RRP12: variants seen among roughly 807,000 people sequenced by gnomAD.
RRP12 encodes the protein RRP12-like protein.
In RRP12, 78 loss-of-function variants were observed where a neutral mutation model predicts 157.3. The observed-to-expected ratio is 0.50, with a 90% CI of 0.41 to 0.60. The LOEUF is 0.60. RRP12 is among the 20% of genes least tolerant of loss of function. The pLI is 0.00. For missense variants in RRP12, 1,521 were observed against 1,679.9 expected, an observed-to-expected ratio of 0.91 and a Z score of 1.65; for synonymous variants, 726 against 670.9, an observed-to-expected ratio of 1.08 and a Z score of -1.27.
intron 25 of RRP12, 50 bp downstream of exon 25, chr10:97,369,368 CATGCCAA>C (rs1844074130): frequency 1.3e-6 from 2 of 1,564,848 alleles, no homozygotes; most frequent in Non-Finnish European, 1.7e-6. Flanking sequence ...TTGCCAGGTC[CATGCCAA>C]CAGCTCAGAG....
At chr10:97,377,844 CAA>C (rs57212325) in intron 15 of RRP12, among the ~76,000 whole-genome samples, 3 of 48,794 alleles carry the variant, frequency 6.1e-5, no homozygotes, top group Non-Finnish European at 1.3e-4. Context: ...GACTTCATCT[CAA>C]AAAAAAAAAA....
In RRP12 at chr10:97,357,035, AGCC is replaced by A. The variant is rs1479407233; in HGVS notation, c.*56_*58del. 4.5e-5 allele frequency: 44 copies of A among 987,684 alleles called. 1 individual carries two copies. The highest frequency in any genetic ancestry group is 1.9e-5 in the Non-Finnish European group (12 of 635,218). The allele number at this position is 987,684 out of a possible 1,614,324, so 61.2% of individuals were successfully genotyped here. ...GAGCACCTGGAGCTGGTGGCAAGGC[AGCC>A]TGGGGGCTGAAAGGGCCTCAGACTG... is the stretch of plus-strand genomic sequence containing the variant. On this transcript the variant is annotated 3_prime_UTR_variant, in exon 34 of 34. Coordinates refer to ENST00000370992, the MANE Select transcript of RRP12 (RefSeq NM_015179.4).
intron 29 of RRP12, among the ~76,000 whole-genome samples, chr10:97,365,722 T>C (rs1046968412): frequency 2.6e-5 from 4 of 151,194 alleles, no homozygotes; most frequent in African/African-American, 9.8e-5. Flanking sequence ...CCTCTGGCTC[T>C]TTCTGCCTCT....
chr10:97,397,139 A>G (rs1844986791), intron 2 of RRP12, among the ~76,000 whole-genome samples: 2 of 152,006 alleles, frequency 1.3e-5, no homozygotes, highest in South Asian at 4.1e-4. Flanking sequence ...AATAGTTGTT[A>G]TACTGTATTT....
intron 24 of RRP12, 68 bp from the exon 25 acceptor site, chr10:97,369,650 G>A (rs1844087543): frequency 6.8e-7 from 1 of 1,467,998 alleles, no homozygotes; most frequent in African/African-American, 1.4e-5. Flanking sequence ...CTTCCCCACT[G>A]GAAAACAGCC....
chr10:97,365,992 G>T, intron 29 of RRP12, 116 bp downstream of exon 29: 1 of 1,393,470 alleles, frequency 7.2e-7, no homozygotes, highest in Admixed American at 2.2e-5. Flanking sequence ...AAAAGTTTGA[G>T]GAAGCTGCCG....
At chr10:97,379,522 C>A in intron 14 of RRP12, 106 bp downstream of exon 14, 1 of 1,590,062 alleles carries the variant, frequency 6.3e-7, no homozygotes, top group Non-Finnish European at 8.6e-7. Context: ...GCCCCTCCTG[C>A]TGAGCCCTGC....
intron 33 of RRP12, among the ~76,000 whole-genome samples, chr10:97,358,092 T>C (rs982957338): frequency 6.6e-6 from 1 of 152,078 alleles, no homozygotes; most frequent in African/African-American, 2.4e-5. Flanking sequence ...CCCAGCACTT[T>C]GGGAGGCTGA....
chr10:97,390,851 G>A lies in RRP12; in HGVS notation c.531-7C>T, dbSNP rs781044750. The A allele has an allele frequency of 6.4e-7, 1 of 1,574,490 alleles. No homozygotes were observed. Among genetic ancestry groups the A allele is most frequent in the Non-Finnish European group, 8.7e-7 (1 of 1,143,928 alleles). On this transcript the variant is annotated splice_region_variant and splice_polypyrimidine_tract_variant and intron_variant, in intron 4 of 33. Coordinates refer to ENST00000370992, the MANE Select transcript of RRP12 (RefSeq NM_015179.4). ...AAGCACAGGGCTGGGAACACTGTGG[G>A]AAAGAACAGAGATGGTCACCCCAGA...
At chr10:97,359,102 G>T in intron 31 of RRP12, 92 bp from the exon 32 acceptor site, 1 of 933,446 alleles carries the variant, frequency 1.1e-6, no homozygotes, top group East Asian at 2.6e-5. Flanking sequence ...GAGCTGCAAG[G>T]GAGCAGATGA....
rs147919637 is a variant in RRP12 at position 97,381,775 on chromosome 10, C to T, written c.1260G>A (p.Ala420=). Reference sequence around the variant, plus strand: ...AGTGTGGGGAAAGGAGGCAGGTCACCGCAGTTCCAAAAAAGCGAGGGAGGT... The same window carrying T: ...AGTGTGGGGAAAGGAGGCAGGTCACTGCAGTTCCAAAAAAGCGAGGGAGGT... ...LGHLPRFFGT[A]VTCLLSPHSQ... The change falls in exon 11 of 34, where the codon GCG becomes GCA. Residue 420 remains alanine, a synonymous_variant. Transcript: ENST00000370992. 8,171 of 1,614,096 alleles carry T rather than the reference C, an allele frequency of 5.1e-3. 18 individuals carry two copies. The highest frequency in any genetic ancestry group is 6.3e-3 in the Non-Finnish European group (7,433 of 1,179,986).
chr10:97,383,213 C>T (rs895961450), intron 10 of RRP12, among the ~76,000 whole-genome samples: 2 of 152,202 alleles, frequency 1.3e-5, no homozygotes, highest in Non-Finnish European at 1.5e-5. Context: ...TGTGGGTGTG[C>T]TCCTGCGGGC....
chr10:97,362,986 A>G (rs1843883052), intron 30 of RRP12, among the ~76,000 whole-genome samples: 1 of 152,026 alleles, frequency 6.6e-6, no homozygotes, highest in Non-Finnish European at 1.5e-5. Context: ...TGTCCCAATG[A>G]CTCCACCAGG....
At chr10:97,389,386 C>A (rs1215494108) in intron 6 of RRP12, among the ~76,000 whole-genome samples, 1 of 151,946 alleles carries the variant, frequency 6.6e-6, no homozygotes, top group Admixed American at 6.6e-5. Context: ...AGCCACCGCG[C>A]CCAGCCAAGG....
intron 2 of RRP12, among the ~76,000 whole-genome samples, chr10:97,398,039 A>ATATATATATATGTATTTT (rs1436494245): frequency 3.6e-5 from 2 of 56,028 alleles, no homozygotes; most frequent in Non-Finnish European, 6.3e-5. Flanking sequence ...ATATATACGT[A>ATATATATATATGTATTTT]TTTTTTTTTT....
At chr10:97,382,129 A>G (rs1240605995) in intron 10 of RRP12, among the ~76,000 whole-genome samples, 1 of 152,172 alleles carries the variant, frequency 6.6e-6, no homozygotes, top group Non-Finnish European at 1.5e-5. Context: ...TAAGTTTCTT[A>G]AATACCCTTC....
chr10:97,400,944 G>T, intron 1 of RRP12, 149 bp downstream of exon 1: 1 of 949,116 alleles, frequency 1.1e-6, no homozygotes, highest in Non-Finnish European at 1.5e-6. Flanking sequence ...TGGAAGGACT[G>T]CCCTTCAGAG....
chr10:97,366,617 C>T lies in RRP12; in HGVS notation c.3220G>A (p.Glu1074Lys). ...EPAQGKGDSI[E>K]EILADSEDEE... ...TCCTCTGAGTCAGCTAAAATCTCCT[C>T]AATGCTAAGGACAAAAAGCCCCCAG... is the stretch of plus-strand genomic sequence containing the variant. The change falls in exon 28 of 34, where the codon GAG becomes AAG. Residue 1074 changes from glutamate (E) to lysine (K), a missense_variant. Transcript: ENST00000370992. 1 of 1,611,956 alleles carries T rather than the reference C, an allele frequency of 6.2e-7. No homozygotes were observed. The highest frequency in any genetic ancestry group is 8.5e-7 in the Non-Finnish European group (1 of 1,178,828).
intron 1 of RRP12, 112 bp downstream of exon 1, chr10:97,400,981 G>C (rs772708779): frequency 5.3e-6 from 7 of 1,316,500 alleles, no homozygotes; most frequent in Non-Finnish European, 6.1e-6. Context: ...CATCCTAAGA[G>C]ACGAAAGGTC....
Sources: allele counts gnomAD v4.1 joint callset (sites outside exome capture counted in the v4.1 genomes callset), GRCh38; gene constraint gnomAD v4.1.1; transcripts MANE v1.5; gene names NCBI Gene and HGNC (gene_info 2026-07-23, HGNC 2026-07-21).